The following ZC3HAV1 variants were observed in gnomAD, a reference collection of about 807,000 sequenced individuals.
ZC3HAV1 encodes zinc finger CCCH-type antiviral protein 1.
In ZC3HAV1, 41 loss-of-function variants were observed where a neutral mutation model predicts 86.6. That is an observed-to-expected ratio of 0.47 (90% CI 0.37 to 0.61). The LOEUF is 0.61. Ranked by LOEUF, ZC3HAV1 falls within the 20% of genes least tolerant of loss-of-function variation. The pLI, the probability that ZC3HAV1 is intolerant of heterozygous loss-of-function variation, is 0.00. For synonymous variants in ZC3HAV1, 421 were observed against 432.1 expected (o/e 0.97, Z 0.32); for missense variants, 964 against 1,141.1 (o/e 0.84, Z 2.24).
At chr7:139,068,296 G>C (rs1219452117) in intron 7 of ZC3HAV1, among the ~76,000 whole-genome samples, 1 of 152,078 alleles carries the variant, frequency 6.6e-6, no homozygotes, top group Non-Finnish European at 1.5e-5. Context: ...CTGACCTCAA[G>C]TGATCTGCCC....
In ZC3HAV1 at chr7:139,079,421, A is replaced by T. The variant is rs756434605; in HGVS notation, c.1471+49T>A. The T allele has an allele frequency of 2.5e-6, 4 of 1,613,684 alleles. No individual in the cohort carries two copies. The African/African-American group carries it at 5.3e-5, about 22-fold the overall frequency. On this transcript the variant is annotated intron_variant, in intron 4 of 12. Transcript: ENST00000242351. ...CACTACTTGACTAGAGCCATTTGGT[A>T]TATCATGAACAAATGTACTAGCCCA...
chr7:139,063,065 A>AG (rs1816495833), intron 8 of ZC3HAV1, among the ~76,000 whole-genome samples: 1 of 150,920 alleles, frequency 6.6e-6, no homozygotes, highest in Non-Finnish European at 1.5e-5. Context: ...AGAAAGAAAG[A>AG]AAAAGAAAAG....
chr7:139,073,020 G>A (rs962169621), intron 7 of ZC3HAV1, among the ~76,000 whole-genome samples: 2 of 152,178 alleles, frequency 1.3e-5, no homozygotes, highest in South Asian at 4.1e-4. Flanking sequence ...ATATGGCCGG[G>A]CGCAGTGGCT....
intron 12 of ZC3HAV1, among the ~76,000 whole-genome samples, chr7:139,052,936 T>A (rs531899396): frequency 2.7e-5 from 4 of 146,866 alleles, no homozygotes; most frequent in African/African-American, 2.6e-5. Context: ...AAAAAAAAAA[T>A]TGGATGCAAG....
At chr7:139,072,080 C>T (rs976361329) in intron 7 of ZC3HAV1, among the ~76,000 whole-genome samples, 1 of 152,210 alleles carries the variant, frequency 6.6e-6, no homozygotes, top group Non-Finnish European at 1.5e-5. Context: ...TTATTAGTTC[C>T]GTGCAAAAGT....
chr7:139,043,834 T>C lies in ZC3HAV1; in HGVS notation c.*3760A>G, dbSNP rs1584829055. On this transcript the variant is annotated 3_prime_UTR_variant, in exon 13 of 13. Transcript: ENST00000242351. ...GGGTTTGGGAGGCCAAGATCTGACC[T>C]ATTCTGTAGAAGGACTCCTTAGGAA... The C allele has an allele frequency of 6.6e-6, 1 of 152,202 alleles. No homozygotes were observed. Among genetic ancestry groups the C allele is most frequent in the African/African-American group, 2.4e-5 (1 of 41,438 alleles). The allele number at this position is 152,202 out of a possible 1,614,324, so 9.4% of individuals were successfully genotyped here.
rs1380907228 is a variant in ZC3HAV1, at chr7:139,046,874, T to C, written c.*720A>G. ...ATTTTCCAAATTAACTTTCTTTCAA[T>C]GTAACCAAAACAAAACCATGGCATA... On this transcript the variant is annotated 3_prime_UTR_variant, in exon 13 of 13. Coordinates refer to ENST00000242351, the MANE Select transcript of ZC3HAV1 (RefSeq NM_020119.4). 1 of 152,222 alleles carries C rather than the reference T, an allele frequency of 6.6e-6. No homozygotes were observed. The highest frequency in any genetic ancestry group is 6.5e-5 in the Admixed American group (1 of 15,280). The allele number at this position is 152,222 out of a possible 1,614,324, so 9.4% of individuals were successfully genotyped here. A position where few individuals can be genotyped will look rare whatever the true frequency, so the allele number is the denominator to read the frequency against.
intron 9 of ZC3HAV1, among the ~76,000 whole-genome samples, chr7:139,057,769 T>A (rs540552138): frequency 4.3e-5 from 1 of 23,192 alleles, no homozygotes; most frequent in African/African-American, 2.6e-4. Context: ...CTCGATCTCC[T>A]GACCTCGTGA....
chr7:139,095,627 G>C (rs1817563153), intron 1 of ZC3HAV1, among the ~76,000 whole-genome samples: 1 of 152,204 alleles, frequency 6.6e-6, no homozygotes, highest in Non-Finnish European at 1.5e-5. Context: ...GCTGAGGATA[G>C]GGGAGGCCGG....
At chr7:139,105,032 C>CAAAAA (rs34053904) in intron 1 of ZC3HAV1, among the ~76,000 whole-genome samples, 141 of 71,606 alleles carry the variant, frequency 2.0e-3, no homozygotes, top group Non-Finnish European at 2.3e-3. Context: ...GACTCTGTCT[C>CAAAAA]AAAAAAAAAA....
At chr7:139,076,493 T>C in intron 5 of ZC3HAV1, 84 bp from the exon 6 acceptor site, 5 of 1,567,854 alleles carry the variant, frequency 3.2e-6, no homozygotes, top group Non-Finnish European at 4.3e-6. Flanking sequence ...GCTTTCCCCA[T>C]CCATGCCTGC....
intron 1 of ZC3HAV1, among the ~76,000 whole-genome samples, chr7:139,102,582 A>G (rs999861208): frequency 1.3e-5 from 2 of 152,142 alleles, no homozygotes; most frequent in Admixed American, 6.5e-5. Context: ...ACAAATGTCT[A>G]AATATTTAAC....
intron 3 of ZC3HAV1, among the ~76,000 whole-genome samples, chr7:139,081,455 A>G (rs983366912): frequency 1.3e-5 from 2 of 152,204 alleles, no homozygotes; most frequent in East Asian, 3.9e-4. Context: ...ATTCACAATA[A>G]GTTTACATTG....
intron 1 of ZC3HAV1, among the ~76,000 whole-genome samples, chr7:139,102,734 C>T (rs1225253620): frequency 5.6e-5 from 4 of 71,010 alleles, no homozygotes; most frequent in Non-Finnish European, 4.9e-5. Flanking sequence ...TCTATACACA[C>T]ACACACACAC....
rs1488370191 is a variant in ZC3HAV1, at chr7:139,080,260, C to T, written c.698-17G>A. The T allele has an allele frequency of 1.9e-6, 3 of 1,613,616 alleles. No homozygotes were observed. The highest frequency in any genetic ancestry group is 1.3e-5 in the African/African-American group (1 of 74,864). On this transcript the variant is annotated splice_polypyrimidine_tract_variant and intron_variant, in intron 3 of 12. Coordinates refer to ENST00000242351, the MANE Select transcript of ZC3HAV1 (RefSeq NM_020119.4). ...AAGAAGGAGCTAAGGGGAAAAAAAG[C>T]CAAAATGAAACAAAATAATGAACAT...
chr7:139,079,853 G>A lies in ZC3HAV1; in HGVS notation c.1088C>T (p.Thr363Ile), dbSNP rs763127379. The change falls in exon 4 of 13, where the codon ACA (threonine) becomes ATA (isoleucine). Residue 363 changes from threonine (T) to isoleucine (I), a missense_variant. Transcript: ENST00000242351. Reference protein sequence around the residue: ...STSAPNWKSLTSWTNDQGARR... With the variant: ...STSAPNWKSLISWTNDQGARR... ...GGCGCCTTGGTCATTCGTCCAGGAT[G>A]TGAGGCTCTTCCAGTTGGGGGCTGA... 1.2e-6 allele frequency: 2 copies of A among 1,614,180 alleles called. No individual in the cohort carries two copies. Among genetic ancestry groups the A allele is most frequent in the South Asian group, 1.1e-5 (1 of 91,078 alleles).
At chr7:139,081,654 G>A (rs1817131662) in intron 3 of ZC3HAV1, among the ~76,000 whole-genome samples, 1 of 152,084 alleles carries the variant, frequency 6.6e-6, no homozygotes, top group African/African-American at 2.4e-5. Flanking sequence ...AATGAGCTGA[G>A]GCTGCTTGCA....
In ZC3HAV1 at chr7:139,107,253, A is replaced by G. The variant is rs372025224; in HGVS notation, c.308+1771T>C. On this transcript the variant is annotated intron_variant, in intron 1 of 12. Transcript: ENST00000242351. The stretch of plus-strand genomic sequence containing the variant: ...GACTTAGATGATTTCCTCGATACCC[A>G]TAACTCCCAGCAACTCAGAAACAAC... Among the ~76,000 whole-genome samples the G allele has an allele frequency of 3.9e-5, 6 of 152,308 alleles. No homozygotes were observed. The East Asian group carries it at 7.7e-4, about 20-fold the overall frequency.
chr7:139,064,172 G>C (rs1047175195), intron 8 of ZC3HAV1, among the ~76,000 whole-genome samples: 14 of 152,228 alleles, frequency 9.2e-5, no homozygotes, highest in African/African-American at 3.4e-4. Context: ...GGATCCAACT[G>C]CAGGTACCAT....
Sources: allele counts gnomAD v4.1 joint callset (sites outside exome capture counted in the v4.1 genomes callset), GRCh38; gene constraint gnomAD v4.1.1; transcripts MANE v1.5; gene names NCBI Gene and HGNC (gene_info 2026-07-23, HGNC 2026-07-21).